GRM5: variants seen among roughly 807,000 people sequenced by gnomAD.
GRM5 encodes the protein glutamate metabotropic receptor 5.
Under a neutral mutation model 83.1 loss-of-function variants are expected in GRM5, and 19 were observed. The observed-to-expected ratio is 0.23, with a 90% CI of 0.16 to 0.34. The LOEUF is 0.34. Among genes scored for constraint, GRM5 ranks in the 10% least tolerant of loss-of-function variants. GRM5 has a pLI of 1.00. For synonymous variants in GRM5, 675 were observed against 633.6 expected (o/e 1.07, Z -0.98); for missense variants, 1,160 against 1,588.3 (o/e 0.73, Z 4.58).
intron 2 of GRM5, among the ~76,000 whole-genome samples, chr11:88,870,879 G>A (rs913891249): frequency 2.6e-5 from 4 of 151,404 alleles, no homozygotes; most frequent in Admixed American, 1.3e-4. Flanking sequence ...TTAAATAAAC[G>A]ATTAAAGGGA....
At chr11:88,513,578 CT>C (rs1483297742) in intron 9 of GRM5, among the ~76,000 whole-genome samples, 2 of 152,020 alleles carry the variant, frequency 1.3e-5, no homozygotes, top group East Asian at 3.9e-4. Flanking sequence ...ATAATTCCTT[CT>C]TTATAACTCA....
At chr11:88,759,799 A>G (rs2135436931) in intron 3 of GRM5, among the ~76,000 whole-genome samples, 1 of 152,234 alleles carries the variant, frequency 6.6e-6, no homozygotes, top group African/African-American at 2.4e-5. Context: ...CATGGTACAT[A>G]TTTTAAAACT....
At chr11:88,765,762 G>T (rs886100405) in intron 3 of GRM5, among the ~76,000 whole-genome samples, 2 of 151,726 alleles carry the variant, frequency 1.3e-5, no homozygotes, top group African/African-American at 4.8e-5. Context: ...TAATGAAAAT[G>T]CTTCATGGCA....
chr11:88,893,142 CAA>C (rs398017016), intron 2 of GRM5, among the ~76,000 whole-genome samples: 28 of 118,460 alleles, frequency 2.4e-4, no homozygotes, highest in Admixed American at 2.6e-4. Context: ...TAATAGTCAC[CAA>C]AAAAAAAAAA....
intron 3 of GRM5, among the ~76,000 whole-genome samples, chr11:88,707,784 C>G (rs144682265): frequency 6.6e-6 from 1 of 152,162 alleles, no homozygotes; most frequent in East Asian, 1.9e-4. Context: ...TTTAGCAGTA[C>G]AAGATTTGAA....
rs75041844 is a variant in GRM5 at position 88,935,889 on chromosome 11, T to C, written c.662-85734A>G. Among the ~76,000 whole-genome samples the C allele has an allele frequency of 2.1e-3, 324 of 152,068 alleles. 8 individuals carry two copies. The East Asian group carries it at 0.053, about 25-fold the overall frequency. ...ATTGCCTCATTAGTACAGAATTTAT[T>C]TGGGGTAACACTAATTAAAAATTAA... On this transcript the variant is annotated intron_variant, in intron 2 of 9. Transcript: ENST00000305447.
intron 3 of GRM5, among the ~76,000 whole-genome samples, chr11:88,781,414 T>G (rs951877111): frequency 6.6e-6 from 1 of 152,076 alleles, no homozygotes; most frequent in Non-Finnish European, 1.5e-5. Context: ...CAGGTACACA[T>G]CTTTCATTTG....
At chr11:88,780,118 C>T (rs539825138) in intron 3 of GRM5, among the ~76,000 whole-genome samples, 3 of 152,218 alleles carry the variant, frequency 2.0e-5, no homozygotes, top group South Asian at 2.1e-4. Context: ...TTTTAATAGG[C>T]TCTCATGGTA....
chr11:88,907,668 G>A (rs1280857555), intron 2 of GRM5, among the ~76,000 whole-genome samples: 2 of 152,068 alleles, frequency 1.3e-5, no homozygotes, highest in East Asian at 3.9e-4. Context: ...TAACTTAATC[G>A]TGAACACCAG....
At chr11:88,987,497 T>C (rs1192700036) in intron 2 of GRM5, among the ~76,000 whole-genome samples, 2 of 151,838 alleles carry the variant, frequency 1.3e-5, no homozygotes, top group Non-Finnish European at 2.9e-5. Context: ...TCGAACTGGG[T>C]GGAGCCCACC....
At chr11:89,062,629 G>A (rs1368770838) in intron 1 of GRM5, among the ~76,000 whole-genome samples, 1 of 152,238 alleles carries the variant, frequency 6.6e-6, no homozygotes, top group Non-Finnish European at 1.5e-5. Flanking sequence ...CATCAAGATT[G>A]TGTCTAAATA....
chr11:89,007,705 A>G (rs903982664), intron 2 of GRM5, among the ~76,000 whole-genome samples: 4 of 152,206 alleles, frequency 2.6e-5, no homozygotes, highest in African/African-American at 9.6e-5. Flanking sequence ...TCAATGTTTA[A>G]GAACCTCTGG....
chr11:89,020,881 G>GA (rs1940966845), intron 2 of GRM5, among the ~76,000 whole-genome samples: 1 of 152,128 alleles, frequency 6.6e-6, no homozygotes, highest in African/African-American at 2.4e-5. Flanking sequence ...GCAGGAAAAA[G>GA]AAAAAACTGG....
At chr11:88,522,603 C>CTCTGTG (rs1206475339) in intron 9 of GRM5, among the ~76,000 whole-genome samples, 30,294 of 127,252 alleles carry the variant, frequency 0.24, 4,021 homozygotes, top group East Asian at 0.35. Flanking sequence ...CTCTCTCTCT[C>CTCTGTG]TGTGTGTGTG....
chr11:88,578,822 C>T (rs1263234076), intron 7 of GRM5, among the ~76,000 whole-genome samples: 1 of 151,586 alleles, frequency 6.6e-6, no homozygotes, highest in Non-Finnish European at 1.5e-5. Flanking sequence ...GTTTTTAGTG[C>T]TAACTGAAAC....
chr11:88,886,257 C>T (rs573178244), intron 2 of GRM5, among the ~76,000 whole-genome samples: 1 of 152,092 alleles, frequency 6.6e-6, no homozygotes, highest in Non-Finnish European at 1.5e-5. Flanking sequence ...TTTCCTGGTG[C>T]GTGATGACAA....
chr11:88,709,654 G>T (rs1941239036), intron 3 of GRM5, among the ~76,000 whole-genome samples: 1 of 152,078 alleles, frequency 6.6e-6, no homozygotes. Flanking sequence ...TGTGGCACTG[G>T]GTGGCTGGGC....
intron 8 of GRM5, among the ~76,000 whole-genome samples, chr11:88,532,077 T>C (rs1381195612): frequency 2.6e-5 from 4 of 152,154 alleles, no homozygotes; most frequent in African/African-American, 9.7e-5. Flanking sequence ...CTCTAAGAAG[T>C]CTGTGAAAGC....
intron 2 of GRM5, among the ~76,000 whole-genome samples, chr11:88,987,870 C>T (rs1336122632): frequency 4.6e-5 from 7 of 150,978 alleles, no homozygotes; most frequent in African/African-American, 7.4e-5. Flanking sequence ...ACATCACCAT[C>T]ATCAAAGACC....
Sources: gnomAD v4.1 joint callset for allele counts (sites outside exome capture counted in the v4.1 genomes callset) on GRCh38, gnomAD v4.1.1 for gene constraint, MANE v1.5 for transcripts, NCBI Gene and HGNC (gene_info 2026-07-23, HGNC 2026-07-21) for gene names.